The following BCCIP variants were observed in gnomAD, a reference collection of about 807,000 sequenced individuals.
BCCIP encodes the protein BRCA2 and CDKN1A-interacting protein.
BCCIP carries 23 observed loss-of-function variants against 32.8 expected under a neutral mutation model. That is an observed-to-expected ratio of 0.70 (90% confidence interval 0.51 to 0.99). The LOEUF (loss-of-function observed/expected upper bound fraction) is 0.99, where lower values mean the gene tolerates loss of function less well. Among genes scored for constraint, BCCIP ranks in the 50% least tolerant of loss-of-function variants. BCCIP has a pLI of 0.00. For missense variants in BCCIP, 378 were observed against 379.8 expected, an observed-to-expected ratio of 1.00 and a Z score of 0.04; for synonymous variants, 144 against 137.6, an observed-to-expected ratio of 1.05 and a Z score of -0.33.
At chr10:125,842,909 T>C, downstream of BCCIP, 1 of 426,448 alleles carries the variant, frequency 2.3e-6, no homozygotes, top group Non-Finnish European at 3.1e-6. Context: ...ATCCATTTAT[T>C]TAAAGAAATA....
At chr10:125,827,696 G>C (rs1854431884) in intron 3 of BCCIP, 58 bp downstream of exon 3, 2 of 1,318,802 alleles carry the variant, frequency 1.5e-6, no homozygotes, top group Admixed American at 3.6e-5. Context: ...TGTTCATGCT[G>C]GGCCTCACCA....
At chr10:125,840,566 A>G (rs2282439), downstream of BCCIP, among the ~76,000 whole-genome samples, 33,862 of 152,178 alleles carry the variant, frequency 0.22, 4,605 homozygotes, top group East Asian at 0.34. Context: ...CCCCGTCACC[A>G]TGCCCCAAGC....
chr10:125,839,206 CAAGG>C, downstream of BCCIP: 1 of 1,610,082 alleles, frequency 6.2e-7, no homozygotes, highest in Non-Finnish European at 8.5e-7. Flanking sequence ...GGAAAGAACA[CAAGG>C]CTATTTAGAA....
intron 1 of BCCIP, 136 bp downstream of exon 1, chr10:125,823,858 C>T: frequency 7.7e-7 from 1 of 1,304,530 alleles, no homozygotes; most frequent in African/African-American, 1.5e-5. Flanking sequence ...AGTTCTTTCT[C>T]AGGTTTCTCC....
chr10:125,843,515 G>A (rs1461682310), downstream of BCCIP, among the ~76,000 whole-genome samples: 1 of 152,100 alleles, frequency 6.6e-6, no homozygotes, highest in Non-Finnish European at 1.5e-5. Context: ...GGGAGGTTGA[G>A]GCAGGAGAAT....
intron 6 of BCCIP, among the ~76,000 whole-genome samples, chr10:125,835,295 CAT>C (rs200238574): frequency 0.015 from 2,277 of 152,034 alleles, 25 homozygotes; most frequent in Non-Finnish European, 0.024. Flanking sequence ...TTTTAAAAAA[CAT>C]AGGCCGGGTG....
downstream of BCCIP, among the ~76,000 whole-genome samples, chr10:125,843,884 A>C (rs1038343832): frequency 1.2e-4 from 18 of 152,242 alleles, no homozygotes; most frequent in African/African-American, 4.1e-4. Context: ...CAGGGAACCC[A>C]GACATCCGCT....
chr10:125,847,854 T>G (rs1303408652), intron 7 of BCCIP, among the ~76,000 whole-genome samples: 1 of 151,952 alleles, frequency 6.6e-6, no homozygotes, highest in East Asian at 1.9e-4. Context: ...CAGTTCATAA[T>G]AGGGTTCGAG....
At chr10:125,828,246 A>T (rs1195002352) in intron 3 of BCCIP, among the ~76,000 whole-genome samples, 1 of 152,192 alleles carries the variant, frequency 6.6e-6, no homozygotes, top group East Asian at 1.9e-4. Flanking sequence ...AGCAAACAGG[A>T]TAACAAACAT....
Position 125,836,524 on chromosome 10 carries a change from A to T in BCCIP, c.*250A>T. 7.5e-7 allele frequency: 1 copy of T among 1,342,004 alleles called. No homozygotes were observed. The highest frequency in any genetic ancestry group is 9.7e-7 in the Non-Finnish European group (1 of 1,026,824). The allele number at this position is 1,342,004 out of a possible 1,614,324, so 83.1% of individuals were successfully genotyped here. A position where few individuals can be genotyped will look rare whatever the true frequency, so the allele number is the denominator to read the frequency against. On this transcript the variant is annotated 3_prime_UTR_variant, in exon 7 of 7. Transcript: ENST00000278100. The stretch of plus-strand genomic sequence containing the variant: ...GAGTAGTAATTTAAAGAACTCAATA[A>T]AAACTTCTATTTTTTATTTTAAAAT...
Position 125,848,485 on chromosome 10 carries a change from G to A in BCCIP, c.851-4640G>A, listed in dbSNP as rs73381245. On this transcript the variant is annotated intron_variant, in intron 7 of 7. Transcript: ENST00000368759. Reference sequence around the variant, plus strand: ...AGCCACATGGCCACCCAGCTGTTTTGTCATATGTAAAGTGAGGTTTTGAAC... The same window carrying A: ...AGCCACATGGCCACCCAGCTGTTTTATCATATGTAAAGTGAGGTTTTGAAC... Among the ~76,000 whole-genome samples the A allele has an allele frequency of 4.8e-3, 731 of 152,290 alleles. 8 individuals carry two copies. Among genetic ancestry groups the A allele is most frequent in the African/African-American group, 0.016 (665 of 41,550 alleles).
rs765140900 is a variant in BCCIP at position 125,833,783 on chromosome 10, C to T, written c.611C>T (p.Ala204Val). The T allele has an allele frequency of 7.4e-6, 12 of 1,613,828 alleles. No individual in the cohort carries two copies. Among genetic ancestry groups the T allele is most frequent in the East Asian group, 2.2e-5 (1 of 44,902 alleles). ...TGTGTGCCTTGCAGGAAAGAACTGG[C>T]GGGGGCACACAGAACCAATAAGCCA... ...PMYQQLQKEL[A>V]GAHRTNKPCG... Residue 204 changes from alanine to valine, a missense_variant, in exon 6 of 7, where the codon GCG becomes GTG. Coordinates refer to ENST00000278100, the MANE Select transcript of BCCIP (RefSeq NM_078468.3).
At chr10:125,827,475 T>G in intron 2 of BCCIP, 83 bp from the exon 3 acceptor site, 1 of 932,184 alleles carries the variant, frequency 1.1e-6, no homozygotes, top group Non-Finnish European at 1.6e-6. Flanking sequence ...AGAAATTTCA[T>G]TGTTTGTATT....
chr10:125,852,689 C>A, intron 7 of BCCIP: 1 of 1,523,334 alleles, frequency 6.6e-7, no homozygotes, highest in South Asian at 1.3e-5. Context: ...AGTCATGATT[C>A]AGTAGGCTCA....
At chr10:125,852,598 G>A (rs148099794) in intron 7 of BCCIP, 18 of 1,613,526 alleles carry the variant, frequency 1.1e-5, no homozygotes, top group Non-Finnish European at 1.5e-5. Context: ...TCTGGCTGAT[G>A]GGCTGCATGA....
At chr10:125,851,068 G>A (rs750435372) in intron 7 of BCCIP, among the ~76,000 whole-genome samples, 17 of 152,190 alleles carry the variant, frequency 1.1e-4, no homozygotes, top group Non-Finnish European at 2.2e-4. Context: ...TCCAGATCAG[G>A]GGAATTCAAT....
exon 7 of BCCIP, chr10:125,842,100 G>T (rs1854898021): frequency 2.2e-6 from 2 of 928,278 alleles, no homozygotes; most frequent in Non-Finnish European, 1.5e-6. Flanking sequence ...AGTGATTCTT[G>T]AGAGGGCAAA....
intron 7 of BCCIP, among the ~76,000 whole-genome samples, chr10:125,849,185 C>CTGTTT (rs750760095): frequency 9.2e-5 from 14 of 152,174 alleles, no homozygotes; most frequent in African/African-American, 3.1e-4. Context: ...AGTTAAATTG[C>CTGTTT]TGTTTTGTTT....
intron 6 of BCCIP, among the ~76,000 whole-genome samples, chr10:125,834,994 G>A (rs1171584036): frequency 1.0e-4 from 15 of 148,702 alleles, no homozygotes; most frequent in African/African-American, 2.5e-4. Flanking sequence ...TTAGCCGGGC[G>A]TGGTGGCACG....
Sources: allele counts gnomAD v4.1 joint callset (sites outside exome capture counted in the v4.1 genomes callset), GRCh38; gene constraint gnomAD v4.1.1; transcripts MANE v1.5; gene names NCBI Gene and HGNC (gene_info 2026-07-23, HGNC 2026-07-21).